PAX7: variants seen among roughly 807,000 people sequenced by gnomAD.
The protein encoded by PAX7 is paired box protein Pax-7.
In PAX7, 18 loss-of-function variants were observed where a neutral mutation model predicts 50.7. That is an observed-to-expected ratio of 0.36 (90% CI 0.25 to 0.53). The LOEUF (loss-of-function observed/expected upper bound fraction) is 0.53, where lower values mean the gene tolerates loss of function less well. PAX7 is among the 20% of genes least tolerant of loss of function. The pLI, the probability that PAX7 is intolerant of heterozygous loss-of-function variation, is 0.93. For missense variants in PAX7, 644 were observed against 702.9 expected, an observed-to-expected ratio of 0.92 and a Z score of 0.95; for synonymous variants, 310 against 290.4, an observed-to-expected ratio of 1.07 and a Z score of -0.69.
chr1:18,634,156 G>A lies in PAX7; in HGVS notation c.86-147G>A, dbSNP rs1051111896. 10 of 620,350 alleles carry A rather than the reference G, an allele frequency of 1.6e-5. No homozygotes were observed. The highest frequency in any genetic ancestry group is 2.0e-5 in the Non-Finnish European group (7 of 349,616). The allele number at this position is 620,350 out of a possible 1,614,324, so 38.4% of individuals were successfully genotyped here. On this transcript the variant is annotated intron_variant, in intron 1 of 8. Transcript: ENST00000420770. This position sits in a 1 kb window ranked among gnomAD's most constrained non-coding sequence, Gnocchi z 4.0. Reference sequence around the variant, plus strand: ...TTGTTTCTCAAACTACCTACCTACCGAAGCCCCAGTGTGAGGACCACCGGG... The same window carrying A: ...TTGTTTCTCAAACTACCTACCTACCAAAGCCCCAGTGTGAGGACCACCGGG...
intron 4 of PAX7, among the ~76,000 whole-genome samples, chr1:18,684,909 G>C (rs1231486212): frequency 6.6e-6 from 1 of 152,164 alleles, no homozygotes; most frequent in Admixed American, 6.5e-5. Context: ...GGCCTCCACT[G>C]ATCCGGGATG....
chr1:18,704,820 A>C (rs1309165248), intron 7 of PAX7, among the ~76,000 whole-genome samples: 1 of 152,158 alleles, frequency 6.6e-6, no homozygotes, highest in Admixed American at 6.5e-5. Flanking sequence ...ATTGCCTTTC[A>C]GCTGCATCGT....
chr1:18,648,038 CT>C (rs774580625), intron 4 of PAX7, among the ~76,000 whole-genome samples: 4 of 152,228 alleles, frequency 2.6e-5, no homozygotes, highest in Non-Finnish European at 5.9e-5. Flanking sequence ...CTTCCCTCCC[CT>C]GATGGCTTCT....
intron 7 of PAX7, among the ~76,000 whole-genome samples, chr1:18,703,546 G>T (rs1031996713): frequency 6.6e-6 from 1 of 152,332 alleles, no homozygotes; most frequent in South Asian, 2.1e-4. Flanking sequence ...GTTCTGGGCC[G>T]GTAACTCTAC....
rs976934391 is a variant in PAX7, at chr1:18,636,626, C to G, written c.586+255C>G. ...GCCGGGCACGGACGGCCTGTGAGTCCCGGGAGAGCCCGGCTGCGGGGCTGC... is the reference window on the plus strand; with the variant it reads ...GCCGGGCACGGACGGCCTGTGAGTCGCGGGAGAGCCCGGCTGCGGGGCTGC... On this transcript the variant is annotated intron_variant, in intron 4 of 8. Coordinates refer to ENST00000420770, the MANE Select transcript of PAX7 (RefSeq NM_001135254.2). This position sits in a 1 kb window ranked among gnomAD's most constrained non-coding sequence, Gnocchi z 5.1. 3.3e-5 allele frequency among the ~76,000 whole-genome samples: 5 copies of G among 152,194 alleles called. No homozygotes were observed. The highest frequency in any genetic ancestry group is 7.3e-5 in the Non-Finnish European group (5 of 68,030).
At chr1:18,728,292 G>A (rs771704120) in intron 7 of PAX7, among the ~76,000 whole-genome samples, 24 of 152,072 alleles carry the variant, frequency 1.6e-4, no homozygotes, top group Non-Finnish European at 3.4e-4. Flanking sequence ...GGGTGCCTGC[G>A]GGTTTTCATG....
chr1:18,736,386 A>G (rs1570246763), intron 8 of PAX7, among the ~76,000 whole-genome samples: 1 of 149,194 alleles, frequency 6.7e-6, no homozygotes, highest in Non-Finnish European at 1.5e-5. Flanking sequence ...AATCACTTGA[A>G]CCCGGGAAGC....
Position 18,691,969 on chromosome 1 carries a change from C to T in PAX7, c.786+16C>T, listed in dbSNP as rs199796451. On this transcript the variant is annotated intron_variant, in intron 5 of 8. Transcript: ENST00000420770. ...GCGTGTGCAGGTGAGGAGGCACCTG[C>T]GGTGTCGGTGCTGCAGATATACTCC... 3.0e-4 allele frequency: 484 copies of T among 1,606,616 alleles called. 2 individuals are homozygous for T. Among genetic ancestry groups the T allele is most frequent in the Non-Finnish European group, 8.1e-5 (95 of 1,176,460 alleles).
At chr1:18,706,362 C>G (rs2089283013) in intron 7 of PAX7, among the ~76,000 whole-genome samples, 1 of 152,136 alleles carries the variant, frequency 6.6e-6, no homozygotes, top group Non-Finnish European at 1.5e-5. Context: ...GGCACACTGT[C>G]CCTTTCCCCA....
chr1:18,634,197 C>G lies in PAX7; in HGVS notation c.86-106C>G. The G allele has an allele frequency of 1.2e-6, 1 of 862,358 alleles. No homozygotes were observed. Among genetic ancestry groups the G allele is most frequent in the Non-Finnish European group, 1.8e-6 (1 of 548,964 alleles). 53.4% of individuals were successfully genotyped at this position (862,358 alleles called of 1,614,324 possible). On this transcript the variant is annotated intron_variant, in intron 1 of 8. Coordinates refer to ENST00000420770, the MANE Select transcript of PAX7 (RefSeq NM_001135254.2). The surrounding 1 kb of genome is among the most constrained non-coding windows in gnomAD (Gnocchi z 4.0). ...GACCACCGGGATTGCTGTCTGAGGTCTTGGGGCTCAAACAAACAAAACTGG... is the reference window on the plus strand; with the variant it reads ...GACCACCGGGATTGCTGTCTGAGGTGTTGGGGCTCAAACAAACAAAACTGG...
chr1:18,730,804 A>T (rs2100394831), intron 7 of PAX7, among the ~76,000 whole-genome samples: 1 of 152,270 alleles, frequency 6.6e-6, no homozygotes, highest in Middle Eastern at 3.4e-3. Context: ...CAAACCAGCA[A>T]GCCTCTCCCC....
intron 7 of PAX7, among the ~76,000 whole-genome samples, chr1:18,706,522 C>T (rs1432365181): frequency 3.5e-5 from 5 of 143,968 alleles, no homozygotes; most frequent in Non-Finnish European, 7.5e-5. Context: ...AGTGCAGTGG[C>T]GCGATCTTGG....
chr1:18,712,911 C>G (rs2089373686), intron 7 of PAX7, among the ~76,000 whole-genome samples: 1 of 151,946 alleles, frequency 6.6e-6, no homozygotes, highest in Non-Finnish European at 1.5e-5. Flanking sequence ...GTGAAACCCC[C>G]CCTCTACTAA....
At position 18,631,212 on chromosome 1, in the gene PAX7, T is replaced by G. The variant is rs975331482; in HGVS notation, c.-392T>G. On this transcript the variant is annotated 5_prime_UTR_variant, in exon 1 of 9. Transcript: ENST00000420770. Reference sequence around the variant, plus strand: ...GCTCGCCACTCTGAGGCTGGCGGCCTCGATTCCGGCCGCGTTCCCCCGGCC... The same window carrying G: ...GCTCGCCACTCTGAGGCTGGCGGCCGCGATTCCGGCCGCGTTCCCCCGGCC... 3.7e-5 allele frequency: 9 copies of G among 245,576 alleles called. No individual in the cohort carries two copies. Among genetic ancestry groups the G allele is most frequent in the African/African-American group, 2.0e-4 (9 of 45,610 alleles). The allele number at this position is 245,576 out of a possible 1,614,324, so 15.2% of individuals were successfully genotyped here.
chr1:18,710,971 C>A (rs550963495), intron 7 of PAX7, among the ~76,000 whole-genome samples: 4 of 152,336 alleles, frequency 2.6e-5, no homozygotes, highest in South Asian at 4.1e-4. Flanking sequence ...CCCAGCTGCG[C>A]GCTCCTCTGC....
rs2089199408 is a variant in PAX7, at chr1:18,700,128, A to G, written c.787-525A>G. ...TGTGTGTGTGTGTGTTTCCTATTTC[A>G]AGGAGGCCCAGGGTGTGTAAGCAAA... On this transcript the variant is annotated intron_variant, in intron 5 of 8. Coordinates refer to ENST00000420770, the MANE Select transcript of PAX7 (RefSeq NM_001135254.2). The surrounding 1 kb of genome is among the most constrained non-coding windows in gnomAD (Gnocchi z 4.8). Among the ~76,000 whole-genome samples the G allele has an allele frequency of 6.7e-6, 1 of 148,498 alleles. No homozygotes were observed. The highest frequency in any genetic ancestry group is 2.1e-4 in the South Asian group (1 of 4,670).
intron 5 of PAX7, among the ~76,000 whole-genome samples, chr1:18,693,792 C>G (rs763879502): frequency 6.6e-6 from 1 of 152,232 alleles, no homozygotes. Flanking sequence ...CTCGTTCCCA[C>G]GTCTGGCGGC....
chr1:18,735,351 A>C lies in PAX7; in HGVS notation c.1156-281A>C, dbSNP rs1462921752. 6.6e-6 allele frequency among the ~76,000 whole-genome samples: 1 copy of C among 152,152 alleles called. No individual in the cohort carries two copies. Among genetic ancestry groups the C allele is most frequent in the African/African-American group, 2.4e-5 (1 of 41,468 alleles). ...CAGGCCCAGAGTGACCCTTAGGGCC[A>C]GACCCTGGAGCTAGAGAGGCGAGTA... On this transcript the variant is annotated intron_variant, in intron 7 of 8. Transcript: ENST00000420770. The surrounding 1 kb of genome is among the most constrained non-coding windows in gnomAD (Gnocchi z 4.0).
In PAX7 at chr1:18,672,096, T is replaced by C. The variant is rs2088758653; in HGVS notation, c.587-19658T>C. ...GCAGAGTATGGCACATACAGGGCAC[T>C]CTGTGAGTGTTTGTTTCTGTCCCTC... On this transcript the variant is annotated intron_variant, in intron 4 of 8. Transcript: ENST00000420770. 2.0e-5 allele frequency among the ~76,000 whole-genome samples: 3 copies of C among 152,306 alleles called. No individual in the cohort carries two copies. In the South Asian group the frequency reaches 6.2e-4, roughly 32 times the overall value.
Sources: allele counts gnomAD v4.1 joint callset (sites outside exome capture counted in the v4.1 genomes callset), GRCh38; gene constraint gnomAD v4.1.1; non-coding constraint Gnocchi (gnomAD v3.1); transcripts MANE v1.5; gene names NCBI Gene and HGNC (gene_info 2026-07-23, HGNC 2026-07-21).